The following MDGA2 variants were observed in gnomAD, a reference collection of about 807,000 sequenced individuals.
MDGA2 encodes MAM domain containing glycosylphosphatidylinositol anchor 2.
In MDGA2, 40 loss-of-function variants were observed where a neutral mutation model predicts 117.8. That is an observed-to-expected ratio of 0.34 (90% CI 0.26 to 0.44). The LOEUF (loss-of-function observed/expected upper bound fraction) is 0.44, where lower values mean the gene tolerates loss of function less well. Among genes scored for constraint, MDGA2 ranks in the 20% least tolerant of loss-of-function variants. MDGA2 has a pLI of 1.00. For synonymous variants in MDGA2, 452 were observed against 439.0 expected (o/e 1.03, Z -0.37); for missense variants, 1,123 against 1,250.6 (o/e 0.90, Z 1.54).
chr14:47,133,024 A>G (rs921365713), intron 4 of MDGA2, among the ~76,000 whole-genome samples: 5 of 151,674 alleles, frequency 3.3e-5, no homozygotes, highest in Non-Finnish European at 7.4e-5. Context: ...TCTAGTGTGC[A>G]TGGAATTGTG....
At chr14:47,119,698 G>A (rs1167454156) in intron 5 of MDGA2, among the ~76,000 whole-genome samples, 3 of 152,088 alleles carry the variant, frequency 2.0e-5, no homozygotes, top group Non-Finnish European at 2.9e-5. Flanking sequence ...TCCTGATCAA[G>A]GGAATTAGAA....
chr14:47,300,439 T>C (rs990261481), intron 2 of MDGA2, among the ~76,000 whole-genome samples: 1 of 152,072 alleles, frequency 6.6e-6, no homozygotes, highest in African/African-American at 2.4e-5. Flanking sequence ...AAACATATTA[T>C]CTTCTATATA....
At chr14:47,555,358 G>A (rs1166966448) in intron 1 of MDGA2, among the ~76,000 whole-genome samples, 1 of 152,096 alleles carries the variant, frequency 6.6e-6, no homozygotes, top group Admixed American at 6.6e-5. Context: ...TGTAAGTTGT[G>A]TATAAGAGAG....
intron 3 of MDGA2, among the ~76,000 whole-genome samples, chr14:47,169,704 A>G (rs1290444491): frequency 6.6e-6 from 1 of 152,094 alleles, no homozygotes; most frequent in Non-Finnish European, 1.5e-5. Flanking sequence ...AATAATACAT[A>G]ATCAGTTTTT....
At chr14:47,147,044 G>A (rs1290497173) in intron 3 of MDGA2, among the ~76,000 whole-genome samples, 2 of 152,038 alleles carry the variant, frequency 1.3e-5, no homozygotes, top group African/African-American at 2.4e-5. Flanking sequence ...AAAACAACAT[G>A]CCAAAACAAG....
intron 3 of MDGA2, chr14:47,200,479 A>G: frequency 1.9e-6 from 1 of 518,756 alleles, no homozygotes; most frequent in South Asian, 3.5e-5. Flanking sequence ...TTAATTACTC[A>G]TATATGCAAC....
intron 8 of MDGA2, among the ~76,000 whole-genome samples, chr14:47,021,363 C>A (rs1456080446): frequency 6.6e-6 from 1 of 152,112 alleles, no homozygotes; most frequent in Non-Finnish European, 1.5e-5. Flanking sequence ...AAGACATCAT[C>A]CTTTATAAAC....
At chr14:47,464,415 A>G (rs547551217) in intron 1 of MDGA2, among the ~76,000 whole-genome samples, 16 of 152,164 alleles carry the variant, frequency 1.1e-4, no homozygotes, top group Non-Finnish European at 1.6e-4. Flanking sequence ...TTTGCAAATG[A>G]CATTATTCTG....
intron 1 of MDGA2, among the ~76,000 whole-genome samples, chr14:47,486,072 C>G (rs929784128): frequency 1.3e-5 from 2 of 152,174 alleles, no homozygotes; most frequent in African/African-American, 2.4e-5. Context: ...GATCCACGGA[C>G]AGCCTGCATC....
At chr14:47,073,922 C>T (rs1386181814) in intron 6 of MDGA2, among the ~76,000 whole-genome samples, 1 of 152,022 alleles carries the variant, frequency 6.6e-6, no homozygotes, top group Admixed American at 6.5e-5. Flanking sequence ...CTGAGGATGC[C>T]GGGTTGATCT....
intron 3 of MDGA2, among the ~76,000 whole-genome samples, chr14:47,192,485 C>T (rs898955381): frequency 1.3e-5 from 2 of 151,740 alleles, no homozygotes; most frequent in Non-Finnish European, 1.5e-5. Context: ...TGTGGTGGCA[C>T]GTAGCTGTAG....
chr14:47,521,022 T>C (rs1355007758), intron 1 of MDGA2, among the ~76,000 whole-genome samples: 1 of 152,150 alleles, frequency 6.6e-6, no homozygotes, highest in Non-Finnish European at 1.5e-5. Flanking sequence ...TTGATTTAAA[T>C]CCAAGGATAG....
intron 3 of MDGA2, among the ~76,000 whole-genome samples, chr14:47,197,582 T>C (rs1173791479): frequency 6.6e-6 from 1 of 152,196 alleles, no homozygotes; most frequent in Non-Finnish European, 1.5e-5. Flanking sequence ...GTCAGAAATG[T>C]TCTTGTTGGT....
At chr14:46,948,962 T>G (rs1566540591) in intron 9 of MDGA2, among the ~76,000 whole-genome samples, 1 of 152,080 alleles carries the variant, frequency 6.6e-6, no homozygotes, top group South Asian at 2.1e-4. Context: ...TTTTCAATGT[T>G]GTGTTACTCA....
intron 1 of MDGA2, among the ~76,000 whole-genome samples, chr14:47,418,986 A>G (rs1892526861): frequency 6.6e-6 from 1 of 152,190 alleles, no homozygotes; most frequent in Non-Finnish European, 1.5e-5. Context: ...GAAAAGGATT[A>G]AAGACAGATT....
At chr14:47,635,022 GTAATAATAATAATACC>G (rs962107351) in intron 1 of MDGA2, among the ~76,000 whole-genome samples, 1 of 151,874 alleles carries the variant, frequency 6.6e-6, no homozygotes, top group African/African-American at 2.4e-5. Context: ...ATTATCATGG[GTAATAATAATAATACC>G]TACCCAATAG....
chr14:47,060,503 C>T (rs527803359), intron 7 of MDGA2, among the ~76,000 whole-genome samples: 2 of 152,156 alleles, frequency 1.3e-5, no homozygotes, highest in South Asian at 4.1e-4. Flanking sequence ...AAAACAAATA[C>T]AGCTACTTTG....
At chr14:47,555,207 G>A (rs1343069719) in intron 1 of MDGA2, among the ~76,000 whole-genome samples, 3 of 152,116 alleles carry the variant, frequency 2.0e-5, no homozygotes, top group South Asian at 2.1e-4. Context: ...AACCAAGGTC[G>A]TACAACTATC....
At chr14:46,999,206 G>C (rs1164689023) in intron 8 of MDGA2, among the ~76,000 whole-genome samples, 4 of 146,744 alleles carry the variant, frequency 2.7e-5, no homozygotes, top group African/African-American at 9.9e-5. Context: ...TGTCACAGCA[G>C]GTAAAAAAAA....
Sources: gnomAD v4.1 joint callset for allele counts (sites outside exome capture counted in the v4.1 genomes callset) on GRCh38, gnomAD v4.1.1 for gene constraint, MANE v1.5 for transcripts, NCBI Gene and HGNC (gene_info 2026-07-23, HGNC 2026-07-21) for gene names.